Variants in KCNQ5 observed in about 807,000 individuals in gnomAD.
KCNQ5 encodes the protein potassium voltage-gated channel subfamily Q member 5.
In KCNQ5, 30 loss-of-function variants were observed where a neutral mutation model predicts 98.2. The ratio of observed to expected loss-of-function variants is 0.31; its 90% CI spans 0.23 to 0.41. The LOEUF (loss-of-function observed/expected upper bound fraction) is 0.41, where lower values mean the gene tolerates loss of function less well. Ranked by LOEUF, KCNQ5 falls within the 10% of genes least tolerant of loss-of-function variation. The pLI, the probability that KCNQ5 is intolerant of heterozygous loss-of-function variation, is 1.00. For synonymous variants in KCNQ5, 458 were observed against 449.4 expected (o/e 1.02, Z -0.24); for missense variants, 835 against 1,182.5 (o/e 0.71, Z 4.31).
intron 1 of KCNQ5, among the ~76,000 whole-genome samples, chr6:72,693,418 C>G (rs1302469150): frequency 2.6e-5 from 4 of 152,070 alleles, no homozygotes; most frequent in Non-Finnish European, 4.4e-5. Context: ...GCCATTTGAA[C>G]CTTAGCGCTG....
chr6:72,981,015 T>C (rs190845461), intron 1 of KCNQ5, among the ~76,000 whole-genome samples: 42 of 152,304 alleles, frequency 2.8e-4, no homozygotes, highest in African/African-American at 9.4e-4. Context: ...GAAGCCAACT[T>C]GGTCTTGGTG....
chr6:72,756,194 G>T (rs1458556958), intron 1 of KCNQ5, among the ~76,000 whole-genome samples: 1 of 152,088 alleles, frequency 6.6e-6, no homozygotes, highest in Non-Finnish European at 1.5e-5. Flanking sequence ...TAAATACTTT[G>T]TATGTCCCTC....
intron 10 of KCNQ5, among the ~76,000 whole-genome samples, chr6:73,151,081 A>T (rs1010570980): frequency 2.6e-5 from 4 of 152,148 alleles, no homozygotes; most frequent in African/African-American, 9.7e-5. Flanking sequence ...AACTGAATAG[A>T]GGGTACACAG....
intron 5 of KCNQ5, among the ~76,000 whole-genome samples, chr6:73,100,608 G>A (rs1455375313): frequency 3.3e-5 from 5 of 151,760 alleles, no homozygotes; most frequent in Admixed American, 3.3e-4. Context: ...GGCGGAGCTT[G>A]CAGTGAGCCC....
intron 1 of KCNQ5, among the ~76,000 whole-genome samples, chr6:72,916,060 G>T (rs1780123464): frequency 1.3e-5 from 2 of 152,050 alleles, no homozygotes; most frequent in Non-Finnish European, 2.9e-5. Context: ...ATAATCTTGG[G>T]GAATTGAGAT....
chr6:72,811,902 A>C (rs1373334363), intron 1 of KCNQ5, among the ~76,000 whole-genome samples: 1 of 152,188 alleles, frequency 6.6e-6, no homozygotes, highest in African/African-American at 2.4e-5. Flanking sequence ...GGCTATTTAT[A>C]GGGTTATTTC....
At chr6:73,118,311 A>G (rs1276084504) in intron 7 of KCNQ5, among the ~76,000 whole-genome samples, 1 of 152,208 alleles carries the variant, frequency 6.6e-6, no homozygotes, top group East Asian at 1.9e-4. Flanking sequence ...CGTTATTCAC[A>G]TGAAGTTCAT....
chr6:72,959,705 G>A (rs1767245076), intron 1 of KCNQ5, among the ~76,000 whole-genome samples: 2 of 152,204 alleles, frequency 1.3e-5, no homozygotes, highest in South Asian at 4.1e-4. Context: ...AGAGTTTACA[G>A]TATAAAATGA....
chr6:72,784,940 T>C (rs1222396825), intron 1 of KCNQ5, among the ~76,000 whole-genome samples: 1 of 152,070 alleles, frequency 6.6e-6, no homozygotes, highest in Non-Finnish European at 1.5e-5. Flanking sequence ...AATTATCACA[T>C]AATCAAAGGA....
At chr6:72,847,586 A>G (rs1239503010) in intron 1 of KCNQ5, among the ~76,000 whole-genome samples, 1 of 152,206 alleles carries the variant, frequency 6.6e-6, no homozygotes, top group African/African-American at 2.4e-5. Flanking sequence ...TTGGTCTTTC[A>G]AAACCCCGTT....
chr6:72,952,949 C>A (rs763631068), intron 1 of KCNQ5, among the ~76,000 whole-genome samples: 7 of 152,220 alleles, frequency 4.6e-5, no homozygotes, highest in Non-Finnish European at 1.0e-4. Context: ...AGATTGAACT[C>A]TTTCCTGCAT....
chr6:72,803,044 C>A (rs1218846722), intron 1 of KCNQ5, among the ~76,000 whole-genome samples: 2 of 152,052 alleles, frequency 1.3e-5, no homozygotes, highest in African/African-American at 4.8e-5. Context: ...AGAGATTGCA[C>A]CAGGACATTT....
intron 7 of KCNQ5, among the ~76,000 whole-genome samples, chr6:73,115,865 G>T (rs1218021269): frequency 6.6e-6 from 1 of 152,190 alleles, no homozygotes; most frequent in Non-Finnish European, 1.5e-5. Context: ...GAGCAAAGGG[G>T]ATTTCTATGA....
At position 72,628,810 on chromosome 6, in the gene KCNQ5, G is replaced by A. The variant is rs554142001; in HGVS notation, c.398+6223G>A. Reference sequence around the variant, plus strand: ...GTATTTTTAGTAGAGATGGGGTTTCGCTATGTTGGCCAGGCTGGTCTCATT... The same window carrying A: ...GTATTTTTAGTAGAGATGGGGTTTCACTATGTTGGCCAGGCTGGTCTCATT... On this transcript the variant is annotated intron_variant, in intron 1 of 13. Coordinates refer to ENST00000370398, the MANE Select transcript of KCNQ5 (RefSeq NM_019842.4). Among the ~76,000 whole-genome samples the A allele has an allele frequency of 5.9e-4, 90 of 152,020 alleles. 1 individual carries two copies. The highest frequency in any genetic ancestry group is 1.9e-3 in the African/African-American group (78 of 41,402).
intron 3 of KCNQ5, among the ~76,000 whole-genome samples, chr6:73,067,689 G>A (rs1016970534): frequency 1.3e-5 from 2 of 152,058 alleles, no homozygotes; most frequent in African/African-American, 4.8e-5. Flanking sequence ...TACATCAGAG[G>A]TACTCAATAA....
chr6:72,743,232 A>G (rs543326939), intron 1 of KCNQ5, among the ~76,000 whole-genome samples: 2 of 152,078 alleles, frequency 1.3e-5, no homozygotes, highest in Non-Finnish European at 2.9e-5. Context: ...AACTATATAA[A>G]TAACAGCATT....
At chr6:73,175,273 C>T (rs1037596583) in intron 11 of KCNQ5, among the ~76,000 whole-genome samples, 2 of 152,098 alleles carry the variant, frequency 1.3e-5, no homozygotes, top group South Asian at 2.1e-4. Context: ...GCCTCCGCCT[C>T]CTGAGTAGCT....
intron 8 of KCNQ5, among the ~76,000 whole-genome samples, chr6:73,121,557 T>A (rs1775750062): frequency 6.6e-6 from 1 of 152,212 alleles, no homozygotes; most frequent in Admixed American, 6.5e-5. Flanking sequence ...TCATCCGACA[T>A]TTGAGAGCAC....
intron 1 of KCNQ5, among the ~76,000 whole-genome samples, chr6:72,944,216 A>G (rs1766434921): frequency 6.6e-6 from 1 of 152,208 alleles, no homozygotes; most frequent in Non-Finnish European, 1.5e-5. Context: ...CCTTTATTGC[A>G]TTAAATACTT....
Sources: allele counts gnomAD v4.1 joint callset (sites outside exome capture counted in the v4.1 genomes callset), GRCh38; gene constraint gnomAD v4.1.1; transcripts MANE v1.5; gene names NCBI Gene and HGNC (gene_info 2026-07-23, HGNC 2026-07-21).